The following ATXN7 variants were observed in gnomAD, a reference collection of about 807,000 sequenced individuals.
The protein encoded by ATXN7 is ataxin 7, also known as ataxin-7.
ATXN7 carries 12 observed loss-of-function variants against 70.5 expected under a neutral mutation model. That is an observed-to-expected ratio of 0.17 (90% CI 0.11 to 0.28). The LOEUF (loss-of-function observed/expected upper bound fraction) is 0.28, where lower values mean the gene tolerates loss of function less well. ATXN7 is among the 10% of genes least tolerant of loss of function. The probability of loss-of-function intolerance (pLI) is 1.00; values close to 1 mark genes in which losing one functional copy is unlikely to be tolerated. For synonymous variants in ATXN7, 498 were observed against 448.7 expected (o/e 1.11, Z -1.39); for missense variants, 1,256 against 1,131.7 (o/e 1.11, Z -1.58).
chr3:63,914,916 G>GTGTTT (rs1204643284), intron 4 of ATXN7, among the ~76,000 whole-genome samples: 2 of 152,136 alleles, frequency 1.3e-5, no homozygotes, highest in Non-Finnish European at 2.9e-5. Context: ...GATCTTGTTA[G>GTGTTT]TGTTTTGTTT....
At chr3:63,998,655 G>T in intron 12 of ATXN7, 1 of 985,340 alleles carries the variant, frequency 1.0e-6, no homozygotes, top group Non-Finnish European at 1.2e-6. Context: ...GCAAGAGCAG[G>T]GGTGCTTGCT....
chr3:63,969,752 A>G (rs575857138), intron 5 of ATXN7, among the ~76,000 whole-genome samples: 2 of 152,348 alleles, frequency 1.3e-5, no homozygotes, highest in East Asian at 3.9e-4. Flanking sequence ...AGATAGTATA[A>G]CAAATTGGAA....
At chr3:63,870,530 T>G (rs1046125085) in intron 1 of ATXN7, among the ~76,000 whole-genome samples, 2 of 152,210 alleles carry the variant, frequency 1.3e-5, no homozygotes, top group African/African-American at 4.8e-5. Flanking sequence ...TTTTTATTAG[T>G]CATATTGTGT....
At chr3:63,922,222 T>C (rs1364883316) in intron 4 of ATXN7, among the ~76,000 whole-genome samples, 2 of 151,936 alleles carry the variant, frequency 1.3e-5, no homozygotes, top group African/African-American at 4.8e-5. Context: ...GTATTTTGTT[T>C]GTAGAGACGG....
At chr3:63,956,420 C>CAAAAAAAA (rs1175948780) in intron 5 of ATXN7, among the ~76,000 whole-genome samples, 3 of 36,692 alleles carry the variant, frequency 8.2e-5, no homozygotes, top group African/African-American at 2.9e-4. Context: ...GACTGCATCT[C>CAAAAAAAA]AAAAAAAAAA....
chr3:63,983,441 C>T (rs946876645), intron 8 of ATXN7, among the ~76,000 whole-genome samples: 1 of 152,042 alleles, frequency 6.6e-6, no homozygotes, highest in Admixed American at 6.6e-5. Flanking sequence ...TAAAGAACCA[C>T]TTTTTAAAAA....
rs765076824 is a variant in ATXN7 at position 63,990,852 on chromosome 3, C to T, written c.1675C>T (p.Leu559=). ...LMVEKHLNAQ[L]WKKIPPVPST... is the part of the protein sequence containing the mutation. ...GGTGGAGAAGCATCTGAATGCACAG[C>T]TATGGAAGTGAGTGCCTGTTGTTCT... The change falls in exon 11 of 13, where the codon CTA becomes TTA. Residue 559 remains leucine (L), a synonymous_variant. Transcript: ENST00000674280. 1 of 1,614,130 alleles carries T rather than the reference C, an allele frequency of 6.2e-7. No individual in the cohort carries two copies. The highest frequency in any genetic ancestry group is 1.3e-5 in the African/African-American group (1 of 74,944).
chr3:63,866,521 G>T (rs1003900850), intron 1 of ATXN7, among the ~76,000 whole-genome samples: 9 of 152,200 alleles, frequency 5.9e-5, no homozygotes, highest in African/African-American at 2.2e-4. Flanking sequence ...CTCCCAAAGT[G>T]CTGGGATTAT....
Position 63,985,017 on chromosome 3 carries a change from TCATC to T in ATXN7, c.1095+1999_1095+2002del, listed in dbSNP as rs535378696. Among the ~76,000 whole-genome samples, 425 of 152,352 alleles carry T rather than the reference TCATC, an allele frequency of 2.8e-3. 1 individual carries two copies. Among genetic ancestry groups the T allele is most frequent in the African/African-American group, 9.8e-3 (406 of 41,572 alleles). On this transcript the variant is annotated intron_variant, in intron 8 of 12. Transcript: ENST00000674280. Reference sequence around the variant, plus strand: ...AGTGTATGTATATACTATGTTGTCTTCATCCAGTCACCTGTTGACAGACATTTAT... The same window carrying T: ...AGTGTATGTATATACTATGTTGTCTTCAGTCACCTGTTGACAGACATTTAT...
At chr3:63,989,339 A>C (rs1160869411) in intron 9 of ATXN7, among the ~76,000 whole-genome samples, 1 of 152,180 alleles carries the variant, frequency 6.6e-6, no homozygotes, top group Admixed American at 6.5e-5. Flanking sequence ...TGTAGGAAAA[A>C]TACATTACTG....
chr3:63,887,716 G>T (rs1703131144), intron 1 of ATXN7, among the ~76,000 whole-genome samples: 1 of 152,044 alleles, frequency 6.6e-6, no homozygotes, highest in Non-Finnish European at 1.5e-5. Context: ...CTCCCAAGTA[G>T]CAGGGACTAC....
At chr3:63,899,887 G>A (rs1399571059) in intron 2 of ATXN7, among the ~76,000 whole-genome samples, 2 of 152,068 alleles carry the variant, frequency 1.3e-5, no homozygotes, top group Non-Finnish European at 1.5e-5. Flanking sequence ...AAAGTGCTGG[G>A]ATTACACGCG....
chr3:63,893,972 A>G (rs369811502), intron 1 of ATXN7, among the ~76,000 whole-genome samples: 2 of 152,176 alleles, frequency 1.3e-5, no homozygotes, highest in East Asian at 3.8e-4. Flanking sequence ...ATTTCTGGAG[A>G]ATATGACTGC....
At chr3:63,939,638 A>G (rs1440947749) in intron 4 of ATXN7, among the ~76,000 whole-genome samples, 3 of 152,216 alleles carry the variant, frequency 2.0e-5, no homozygotes, top group Non-Finnish European at 4.4e-5. Context: ...AAGGCTTGCA[A>G]ATTCAGATGA....
At chr3:63,965,333 A>G (rs1306142646) in intron 5 of ATXN7, among the ~76,000 whole-genome samples, 2 of 152,144 alleles carry the variant, frequency 1.3e-5, no homozygotes, top group Non-Finnish European at 2.9e-5. Context: ...TCTCTTGCCC[A>G]CGGCTGCACA....
chr3:63,928,620 C>T (rs985423541), intron 4 of ATXN7, among the ~76,000 whole-genome samples: 3 of 152,030 alleles, frequency 2.0e-5, no homozygotes, highest in Admixed American at 6.6e-5. Flanking sequence ...TTATATTATC[C>T]CCGTTTTAAA....
chr3:63,913,441 G>A (rs1250743676), intron 4 of ATXN7, among the ~76,000 whole-genome samples: 2 of 152,168 alleles, frequency 1.3e-5, no homozygotes, highest in African/African-American at 4.8e-5. Context: ...CTGTGACCAG[G>A]CAGGAGCAGC....
chr3:63,993,039 A>C (rs1229563544), intron 11 of ATXN7, among the ~76,000 whole-genome samples: 2 of 152,156 alleles, frequency 1.3e-5, no homozygotes, highest in Admixed American at 6.5e-5. Context: ...ATTGTGGTAA[A>C]ATTGAAGGTA....
intron 1 of ATXN7, among the ~76,000 whole-genome samples, chr3:63,884,913 C>T (rs1000071784): frequency 2.0e-5 from 3 of 151,846 alleles, no homozygotes; most frequent in African/African-American, 7.3e-5. Context: ...CCTGCCTCAG[C>T]CTCCCAAAAT....
Sources: allele counts gnomAD v4.1 joint callset (sites outside exome capture counted in the v4.1 genomes callset), GRCh38; gene constraint gnomAD v4.1.1; transcripts MANE v1.5; gene names NCBI Gene and HGNC (gene_info 2026-07-23, HGNC 2026-07-21).